Variants in HAVCR2 observed in about 807,000 individuals in gnomAD.
HAVCR2 encodes the protein hepatitis A virus cellular receptor 2.
HAVCR2 carries 13 observed loss-of-function variants against 24.7 expected under a neutral mutation model. That is an observed-to-expected ratio of 0.53 (90% CI 0.34 to 0.84). The LOEUF is 0.84. Among genes scored for constraint, HAVCR2 ranks in the 40% least tolerant of loss-of-function variants. The pLI is 0.01. For synonymous variants in HAVCR2, 154 were observed against 143.4 expected, an observed-to-expected ratio of 1.07 and a Z score of -0.53; for missense variants, 343 against 371.2, an observed-to-expected ratio of 0.92 and a Z score of 0.62.
rs1257402601 is a variant in HAVCR2 at position 157,106,873 on chromosome 5, G to T, written c.148C>A (p.Pro50Thr). The stretch of plus-strand genomic sequence containing the variant: ...CAGGCTCCTTTGCCCCAGCAGACGG[G>T]CACGAGGTTCCCTGGGGCGGCTGGG... ...YTPAAPGNLV[P>T]VCWGKGACPV... The change falls in exon 2 of 7, where the codon CCC (proline) becomes ACC (threonine). Residue 50 changes from proline (P) to threonine (T), a missense_variant. Coordinates refer to ENST00000307851, the MANE Select transcript of HAVCR2 (RefSeq NM_032782.5). 1.2e-6 allele frequency: 2 copies of T among 1,614,204 alleles called. No individual in the cohort carries two copies. Among genetic ancestry groups the T allele is most frequent in the Non-Finnish European group, 1.7e-6 (2 of 1,180,034 alleles).
intron 5 of HAVCR2, among the ~76,000 whole-genome samples, chr5:157,092,713 T>A (rs1757022500): frequency 6.6e-6 from 1 of 151,634 alleles, no homozygotes; most frequent in South Asian, 2.1e-4. Flanking sequence ...CCCAAAGTGC[T>A]AGGATTACAG....
intron 4 of HAVCR2, among the ~76,000 whole-genome samples, chr5:157,096,025 A>C (rs1757090096): frequency 6.6e-6 from 1 of 152,052 alleles, no homozygotes; most frequent in South Asian, 2.1e-4. Flanking sequence ...CAGGAGTTTG[A>C]GACCAGCCTG....
At chr5:157,096,367 T>C (rs1289042087) in intron 4 of HAVCR2, among the ~76,000 whole-genome samples, 1 of 152,032 alleles carries the variant, frequency 6.6e-6, no homozygotes, top group Non-Finnish European at 1.5e-5. Flanking sequence ...GTTCAATCAA[T>C]CGTAGCTATT....
intron 6 of HAVCR2, among the ~76,000 whole-genome samples, chr5:157,088,722 C>A (rs1410731742): frequency 6.6e-6 from 1 of 152,196 alleles, no homozygotes; most frequent in Non-Finnish European, 1.5e-5. Flanking sequence ...GTGATAAATT[C>A]TATACCTTAA....
chr5:157,097,777 A>AT (rs1220051191), intron 4 of HAVCR2, among the ~76,000 whole-genome samples: 11 of 151,320 alleles, frequency 7.3e-5, no homozygotes, highest in African/African-American at 2.7e-4. Flanking sequence ...AATTTTTTGT[A>AT]TTTTTAGTAG....
intron 6 of HAVCR2, among the ~76,000 whole-genome samples, chr5:157,088,477 G>A (rs1388551504): frequency 6.6e-6 from 1 of 152,166 alleles, no homozygotes; most frequent in Non-Finnish European, 1.5e-5. Context: ...TTGCTCTGGG[G>A]TTGGCCCTGC....
At chr5:157,096,678 G>A (rs1757098420) in intron 4 of HAVCR2, among the ~76,000 whole-genome samples, 1 of 152,126 alleles carries the variant, frequency 6.6e-6, no homozygotes. Context: ...TTGGGAGGCT[G>A]AGGCAGGACA....
At chr5:157,092,939 A>G (rs1757029952) in intron 5 of HAVCR2, among the ~76,000 whole-genome samples, 1 of 137,374 alleles carries the variant, frequency 7.3e-6, no homozygotes, top group Non-Finnish European at 1.5e-5. Context: ...GTGGTGGCAT[A>G]TGCCTGTAAT....
chr5:157,092,906 A>AT (rs1757027275), intron 5 of HAVCR2, among the ~76,000 whole-genome samples: 1 of 115,902 alleles, frequency 8.6e-6, no homozygotes, highest in African/African-American at 3.3e-5. Context: ...AAAAAAAAAA[A>AT]AAAAAAAAAA....
rs145201178 is a variant in HAVCR2 at position 157,095,458 on chromosome 5, T to C, written c.524A>G (p.Gln175Arg). Reference protein sequence around the residue: ...LGSLPDINLTQISTLANELRD... With the variant: ...LGSLPDINLTRISTLANELRD... The stretch of plus-strand genomic sequence containing the variant: ...TAACTCATTGGCCAATGTGGATATT[T>C]GCTATGGAAACACAAACAGGATTTA... Residue 175 changes from glutamine to arginine, a missense_variant and splice_region_variant, in exon 5 of 7, where the codon CAA (glutamine) becomes CGA (arginine). Transcript: ENST00000307851. 380 of 1,613,916 alleles carry C rather than the reference T, an allele frequency of 2.4e-4. No individual in the cohort carries two copies. Among genetic ancestry groups the C allele is most frequent in the Middle Eastern group, 1.8e-3 (11 of 6,058 alleles).
intron 6 of HAVCR2, 61 bp from the exon 7 acceptor site, chr5:157,087,355 A>T: frequency 7.0e-7 from 1 of 1,423,758 alleles, no homozygotes; most frequent in South Asian, 1.4e-5. Flanking sequence ...GAATAGAGTT[A>T]AGAGAATAGG....
chr5:157,102,172 G>C (rs927106182), intron 3 of HAVCR2, among the ~76,000 whole-genome samples: 1 of 151,936 alleles, frequency 6.6e-6, no homozygotes, highest in African/African-American at 2.4e-5. Flanking sequence ...CCTGACCTCA[G>C]GTGATCCATC....
rs149351945 is a variant in HAVCR2 at position 157,095,345 on chromosome 5, G to C, written c.637C>G (p.Leu213Val). 9.3e-6 allele frequency: 15 copies of C among 1,614,018 alleles called. No homozygotes were observed. Among genetic ancestry groups the C allele is most frequent in the Non-Finnish European group, 1.1e-5 (13 of 1,180,038 alleles). ...GCGCCGAAGATAAGAGCCAGAGCCA[G>C]CCCAGCACAGATCCCTGCTCCGATG... ...IYIGAGICAG[L>V]ALALIFGALI... Residue 213 changes from leucine to valine, a missense_variant, in exon 5 of 7, where the codon CTG (leucine) becomes GTG (valine). Physicochemically the swap from Leu to Val is conservative, Grantham distance 32. Transcript: ENST00000307851.
chr5:157,108,831 A>G, intron 1 of HAVCR2, 95 bp downstream of exon 1: 1 of 1,200,316 alleles, frequency 8.3e-7, no homozygotes, highest in African/African-American at 1.5e-5. Flanking sequence ...AGCTTTTGCT[A>G]TTACAAACAA....
At position 157,106,650 on chromosome 5, in the gene HAVCR2, T is replaced by G; in HGVS notation, c.371A>C (p.Asn124Thr). ...ACCTGGTTTGATGACCAACTTCAGG[T>G]TAAATTTTTCATCATTCATTATGCC... Reference protein sequence around the residue: ...IPGIMNDEKFNLKLVIKPAKV... With the variant: ...IPGIMNDEKFTLKLVIKPAKV... The change falls in exon 2 of 7, where the codon AAC becomes ACC. Residue 124 changes from asparagine (N) to threonine (T), a missense_variant. Asn to Thr is a moderately conservative substitution (Grantham distance 65). Transcript: ENST00000307851. The G allele has an allele frequency of 1.2e-6, 2 of 1,614,186 alleles. No homozygotes were observed. The highest frequency in any genetic ancestry group is 1.7e-6 in the Non-Finnish European group (2 of 1,180,004).
rs368808289 is a variant in HAVCR2 at position 157,088,887 on chromosome 5, A to C, written c.713+54T>G. On this transcript the variant is annotated intron_variant, in intron 6 of 6. Transcript: ENST00000307851. ...TCAGAGAAAAGATCAGACATGTTAG[A>C]GTAGGGACTTCCAAGATTCTCACCT... The C allele has an allele frequency of 1.7e-4, 246 of 1,432,082 alleles. 2 individuals are homozygous for C. Among genetic ancestry groups the C allele is most frequent in the Admixed American group, 1.9e-4 (11 of 58,316 alleles). 88.7% of individuals were successfully genotyped at this position (1,432,082 alleles called of 1,614,324 possible). A position where few individuals can be genotyped will look rare whatever the true frequency, so the allele number is the denominator to read the frequency against.
rs1488560271 is a variant in HAVCR2 at position 157,106,900 on chromosome 5, T to G, written c.121A>C (p.Thr41Pro). ...GQNAYLPCFY[T>P]PAAPGNLVPV... ...ACGAGGTTCCCTGGGGCGGCTGGGG[T>G]GTAGAAGCAGGGCAGATAGGCATTC... The change falls in exon 2 of 7, where the codon ACC becomes CCC. Residue 41 changes from threonine (T) to proline (P), a missense_variant. Thr to Pro is a conservative substitution (Grantham distance 38). Transcript: ENST00000307851. The G allele has an allele frequency of 1.2e-6, 2 of 1,613,970 alleles. No homozygotes were observed. Among genetic ancestry groups the G allele is most frequent in the Non-Finnish European group, 1.7e-6 (2 of 1,179,984 alleles).
chr5:157,094,920 T>C (rs905398761), intron 5 of HAVCR2, among the ~76,000 whole-genome samples: 4 of 152,116 alleles, frequency 2.6e-5, no homozygotes, highest in African/African-American at 7.2e-5. Flanking sequence ...CCTAGACATA[T>C]TCATGAATTA....
At chr5:157,103,898 T>C (rs773291553) in intron 3 of HAVCR2, among the ~76,000 whole-genome samples, 8 of 152,186 alleles carry the variant, frequency 5.3e-5, no homozygotes, top group Non-Finnish European at 8.8e-5. Flanking sequence ...CTTATAATAT[T>C]AACGACAACA....
Sources: gnomAD v4.1 joint callset for allele counts (sites outside exome capture counted in the v4.1 genomes callset) on GRCh38, gnomAD v4.1.1 for gene constraint, MANE v1.5 for transcripts, NCBI Gene and HGNC (gene_info 2026-07-23, HGNC 2026-07-21) for gene names.